The following MSTO1 variants were observed in gnomAD, a reference collection of about 807,000 sequenced individuals.
The protein encoded by MSTO1 is protein misato homolog 1.
Under a neutral mutation model 55.7 loss-of-function variants are expected in MSTO1, and 24 were observed. The ratio of observed to expected loss-of-function variants is 0.43; its 90% CI spans 0.31 to 0.61. The LOEUF (loss-of-function observed/expected upper bound fraction) is 0.61, where lower values mean the gene tolerates loss of function less well. Ranked by LOEUF, MSTO1 falls within the 20% of genes least tolerant of loss-of-function variation. The probability of loss-of-function intolerance (pLI) is 0.09; values close to 1 mark genes in which losing one functional copy is unlikely to be tolerated. For missense variants in MSTO1, 363 were observed against 625.7 expected, an observed-to-expected ratio of 0.58 and a Z score of 4.48; for synonymous variants, 162 against 252.8, an observed-to-expected ratio of 0.64 and a Z score of 3.41.
chr1:155,613,326 C>T (rs1472322770), intron 11 of MSTO1, 93 bp downstream of exon 11: 2 of 1,565,816 alleles, frequency 1.3e-6, no homozygotes, highest in East Asian at 2.3e-5. Context: ...TGATACTGTT[C>T]CCTCCCCACC....
At position 155,613,563 on chromosome 1, in the gene MSTO1, T is replaced by A. The variant is rs769513045; in HGVS notation, c.1385T>A (p.Met462Lys). Reference protein sequence around the residue: ...QYLQQQQPGVMSSSHLLLTPC... With the variant: ...QYLQQQQPGVKSSSHLLLTPC... Reference sequence around the variant, plus strand: ...TTACAACAGCAGCAGCCTGGAGTCATGAGGTCAGTGTAACGGTTGCTCCTG... The same window carrying A: ...TTACAACAGCAGCAGCCTGGAGTCAAGAGGTCAGTGTAACGGTTGCTCCTG... The change falls in exon 12 of 14, where the codon ATG (methionine) becomes AAG (lysine). Residue 462 changes from methionine (M) to lysine (K), a missense_variant. Around this residue, in one of 3 missense-constraint regions of MSTO1, gnomAD observed 231 missense variants for 286.9 expected, o/e 0.81. Transcript: ENST00000245564. 3.0e-5 allele frequency: 48 copies of A among 1,610,712 alleles called. No individual in the cohort carries two copies. The highest frequency in any genetic ancestry group is 3.6e-5 in the Non-Finnish European group (43 of 1,178,140).
At chr1:155,571,093 A>G in the MSTO1 span, among the ~76,000 whole-genome samples, 1 of 152,166 alleles carries the variant, frequency 6.6e-6, no homozygotes, top group Non-Finnish European at 1.5e-5. Context: ...ATGGGAGGCC[A>G]AAGTGGGAGA....
chr1:155,572,315 CT>C, the MSTO1 span, among the ~76,000 whole-genome samples: 1 of 152,150 alleles, frequency 6.6e-6, no homozygotes, highest in Non-Finnish European at 1.5e-5. Context: ...CAAAATCCCC[CT>C]GGTAGAGAAC....
chr1:155,586,459 C>A, the MSTO1 span, among the ~76,000 whole-genome samples: 1 of 152,006 alleles, frequency 6.6e-6, no homozygotes, highest in African/African-American at 2.4e-5. Context: ...GGTTTGCTAG[C>A]CATTTGTGTT....
chr1:155,567,811 G>C, the MSTO1 span, among the ~76,000 whole-genome samples: 1 of 150,074 alleles, frequency 6.7e-6, no homozygotes, highest in South Asian at 2.2e-4. Flanking sequence ...AAGGCAGGTG[G>C]ATCACCTGAT....
chr1:155,606,198 CTTTTTTTTTTTTTTTTT>C (rs747681932), upstream of MSTO1, among the ~76,000 whole-genome samples: 21 of 28,114 alleles, frequency 7.5e-4, no homozygotes, highest in South Asian at 3.6e-3. Context: ...CATGCCCAGC[CTTTTTTTTTTTTTTTTT>C]TTTTTTTTTT....
At chr1:155,579,046 G>A in the MSTO1 span, among the ~76,000 whole-genome samples, 373 of 151,238 alleles carry the variant, frequency 2.5e-3, 4 homozygotes, top group African/African-American at 8.4e-3. Context: ...GGTGGCTCAC[G>A]CTTGTCATCC....
chr1:155,601,357 G>A, the MSTO1 span, among the ~76,000 whole-genome samples: 1 of 150,842 alleles, frequency 6.6e-6, no homozygotes, highest in African/African-American at 2.4e-5. Flanking sequence ...GGCTGATTTT[G>A]AACTCCTGAC....
At chr1:155,568,246 A>G in the MSTO1 span, among the ~76,000 whole-genome samples, 1 of 150,470 alleles carries the variant, frequency 6.6e-6, no homozygotes, top group Non-Finnish European at 1.5e-5. Context: ...TGCCCAGCTA[A>G]TTTTCGTAGT....
the MSTO1 span, among the ~76,000 whole-genome samples, chr1:155,587,805 T>C: frequency 1.3e-5 from 2 of 150,424 alleles, no homozygotes; most frequent in Admixed American, 1.3e-4. Flanking sequence ...GATAGGATAA[T>C]TAATATTTTT....
chr1:155,586,720 G>T, the MSTO1 span: 1 of 496,304 alleles, frequency 2.0e-6, no homozygotes, highest in Non-Finnish European at 4.0e-6. Flanking sequence ...CTGGACTGAC[G>T]GCTGATCTGA....
chr1:155,594,683 C>T, the MSTO1 span, among the ~76,000 whole-genome samples: 1 of 151,816 alleles, frequency 6.6e-6, no homozygotes, highest in Non-Finnish European at 1.5e-5. Context: ...AACTCCTGAC[C>T]TCAAGCACTC....
the MSTO1 span, among the ~76,000 whole-genome samples, chr1:155,577,484 C>T: frequency 9.2e-5 from 14 of 152,224 alleles, no homozygotes; most frequent in African/African-American, 3.4e-4. Context: ...GGTCCATTTT[C>T]ATTCTTTTGC....
chr1:155,579,559 G>T, the MSTO1 span, among the ~76,000 whole-genome samples: 1 of 152,136 alleles, frequency 6.6e-6, no homozygotes, highest in Non-Finnish European at 1.5e-5. Context: ...GTCAAACATA[G>T]ATTTCAATTC....
the MSTO1 span, among the ~76,000 whole-genome samples, chr1:155,597,933 C>T: frequency 6.6e-6 from 1 of 151,952 alleles, no homozygotes; most frequent in Non-Finnish European, 1.5e-5. Flanking sequence ...TCTCCTGCCT[C>T]AGTCTCCCCA....
the MSTO1 span, among the ~76,000 whole-genome samples, chr1:155,571,814 G>A: frequency 1.6e-3 from 239 of 151,816 alleles, 1 homozygote; most frequent in African/African-American, 5.6e-3. Flanking sequence ...TTGGGAGGCC[G>A]AGGAGGGCAG....
the MSTO1 span, among the ~76,000 whole-genome samples, chr1:155,591,758 C>G: frequency 2.6e-5 from 4 of 151,878 alleles, no homozygotes; most frequent in African/African-American, 7.3e-5. Context: ...CCATTGCACT[C>G]CAGCCTGGGC....
chr1:155,599,174 T>C, the MSTO1 span, among the ~76,000 whole-genome samples: 6 of 151,262 alleles, frequency 4.0e-5, no homozygotes, highest in South Asian at 1.0e-3. Context: ...CAAGACGCTG[T>C]CTCAGAAAAG....
chr1:155,607,303 T>C (rs1484638445), upstream of MSTO1, among the ~76,000 whole-genome samples: 1 of 152,042 alleles, frequency 6.6e-6, no homozygotes, highest in African/African-American at 2.4e-5. Context: ...GCCTCTCAAG[T>C]AGCTGGGATT....
Sources: allele counts gnomAD v4.1 joint callset (sites outside exome capture counted in the v4.1 genomes callset), GRCh38; gene constraint gnomAD v4.1.1; regional missense constraint gnomAD v4.1.1; transcripts MANE v1.5; gene names NCBI Gene and HGNC (gene_info 2026-07-23, HGNC 2026-07-21).